The following MYOCD variants were observed in gnomAD, a reference collection of about 807,000 sequenced individuals.
MYOCD encodes myocardin.
A neutral mutation model predicts 96.1 loss-of-function variants in MYOCD; 32 were observed. The observed-to-expected ratio is 0.33, with a 90% CI of 0.25 to 0.45. The LOEUF (loss-of-function observed/expected upper bound fraction) is 0.45, where lower values mean the gene tolerates loss of function less well. Ranked by LOEUF, MYOCD falls within the 20% of genes least tolerant of loss-of-function variation. The probability of loss-of-function intolerance (pLI) is 1.00; values close to 1 mark genes in which losing one functional copy is unlikely to be tolerated. For synonymous variants in MYOCD, 469 were observed against 469.0 expected (o/e 1.00, Z 0.00); for missense variants, 1,133 against 1,200.6 (o/e 0.94, Z 0.83).
At chr17:12,733,038 C>T (rs1007045895) in intron 5 of MYOCD, among the ~76,000 whole-genome samples, 12 of 152,104 alleles carry the variant, frequency 7.9e-5, no homozygotes, top group South Asian at 2.1e-4. Context: ...AGGCTGGGCG[C>T]GGTGGCTCAC....
intron 5 of MYOCD, among the ~76,000 whole-genome samples, chr17:12,730,197 C>T (rs2032127942): frequency 6.6e-6 from 1 of 151,994 alleles, no homozygotes. Flanking sequence ...CCTGCAATCC[C>T]AGCACTTTGG....
chr17:12,725,145 T>C (rs1405803268), intron 5 of MYOCD, among the ~76,000 whole-genome samples: 2 of 152,102 alleles, frequency 1.3e-5, no homozygotes, highest in East Asian at 3.9e-4. Context: ...AACTGGGCAG[T>C]GTCAAAGATC....
intron 2 of MYOCD, among the ~76,000 whole-genome samples, chr17:12,712,693 T>A (rs1044449915): frequency 6.6e-6 from 1 of 152,162 alleles, no homozygotes; most frequent in African/African-American, 2.4e-5. Context: ...GAACACAAAT[T>A]CCCTTGTGAG....
intron 12 of MYOCD, 48 bp from the exon 13 acceptor site, chr17:12,760,602 A>C: frequency 6.7e-7 from 1 of 1,486,716 alleles, no homozygotes; most frequent in South Asian, 1.1e-5. Flanking sequence ...TCCTACGGAG[A>C]TAACCACCTT....
At chr17:12,756,589 A>T in intron 11 of MYOCD, 32 bp downstream of exon 11, 1 of 1,519,222 alleles carries the variant, frequency 6.6e-7, no homozygotes, top group Non-Finnish European at 8.9e-7. Flanking sequence ...TCAACCTGGG[A>T]TTCACTTTGC....
At chr17:12,710,044 G>C (rs1019581015) in intron 2 of MYOCD, among the ~76,000 whole-genome samples, 1 of 152,152 alleles carries the variant, frequency 6.6e-6, no homozygotes, top group Admixed American at 6.5e-5. Flanking sequence ...AACACACACA[G>C]AGAAGTCAGA....
chr17:12,737,359 T>C (rs1384102690), intron 6 of MYOCD, among the ~76,000 whole-genome samples: 1 of 152,200 alleles, frequency 6.6e-6, no homozygotes, highest in East Asian at 1.9e-4. Flanking sequence ...ATCACAAAAG[T>C]TTCCTCATTT....
At chr17:12,756,711 A>T (rs1208734866) in intron 11 of MYOCD, among the ~76,000 whole-genome samples, 154 bp downstream of exon 11, 1 of 151,114 alleles carries the variant, frequency 6.6e-6, no homozygotes, top group Non-Finnish European at 1.5e-5. Context: ...AAAAAAAAAA[A>T]AAAGAATAAA....
chr17:12,748,160 C>CAA (rs58002174), intron 9 of MYOCD, among the ~76,000 whole-genome samples: 9 of 90,576 alleles, frequency 9.9e-5, no homozygotes, highest in Non-Finnish European at 1.3e-4. Context: ...GACTCCGTCT[C>CAA]AAAAAAAAAA....
At chr17:12,757,327 G>C (rs1295601362) in intron 11 of MYOCD, among the ~76,000 whole-genome samples, 1 of 152,112 alleles carries the variant, frequency 6.6e-6, no homozygotes, top group African/African-American at 2.4e-5. Flanking sequence ...AAGGGGCAGA[G>C]ACCCTGAATT....
At chr17:12,738,498 C>T (rs2032408934) in intron 6 of MYOCD, among the ~76,000 whole-genome samples, 1 of 151,996 alleles carries the variant, frequency 6.6e-6, no homozygotes, top group Non-Finnish European at 1.5e-5. Flanking sequence ...CACACAAAAC[C>T]ACATATACAT....
intron 2 of MYOCD, among the ~76,000 whole-genome samples, chr17:12,714,620 G>A (rs2031581247): frequency 6.6e-6 from 1 of 152,096 alleles, no homozygotes; most frequent in African/African-American, 2.4e-5. Flanking sequence ...GAAAATCAAG[G>A]CAAAATGTAG....
chr17:12,682,903 CTT>C (rs1037009067), intron 1 of MYOCD, among the ~76,000 whole-genome samples: 2 of 152,174 alleles, frequency 1.3e-5, no homozygotes, highest in Non-Finnish European at 2.9e-5. Flanking sequence ...TATGGAACCT[CTT>C]TGTTTGCAAA....
At chr17:12,732,535 G>A (rs1448230703) in intron 5 of MYOCD, among the ~76,000 whole-genome samples, 2 of 152,130 alleles carry the variant, frequency 1.3e-5, no homozygotes, top group African/African-American at 2.4e-5. Flanking sequence ...CTCTGATTGT[G>A]TCCCATCCAG....
chr17:12,677,993 A>G (rs1910193996), intron 1 of MYOCD, among the ~76,000 whole-genome samples: 1 of 147,872 alleles, frequency 6.8e-6, no homozygotes, highest in South Asian at 2.1e-4. Context: ...CCCAGGTTCT[A>G]GCGATTCTCC....
chr17:12,666,520 G>A (rs1909384050), intron 1 of MYOCD, among the ~76,000 whole-genome samples: 1 of 152,088 alleles, frequency 6.6e-6, no homozygotes, highest in Admixed American at 6.5e-5. Flanking sequence ...AAATTTTGGA[G>A]GGGTACATTC....
chr17:12,696,176 C>T (rs2030740745), intron 1 of MYOCD, among the ~76,000 whole-genome samples: 1 of 151,962 alleles, frequency 6.6e-6, no homozygotes, highest in Non-Finnish European at 1.5e-5. Flanking sequence ...GACGGGGTTT[C>T]ACCATGTTGA....
At chr17:12,698,726 C>G (rs1330544911) in intron 1 of MYOCD, among the ~76,000 whole-genome samples, 1 of 140,770 alleles carries the variant, frequency 7.1e-6, no homozygotes, top group Admixed American at 7.9e-5. Flanking sequence ...CCTACCAGAC[C>G]CTCTTTTTTT....
chr17:12,687,618 T>C (rs144703431), intron 1 of MYOCD, among the ~76,000 whole-genome samples: 2,298 of 152,366 alleles, frequency 0.015, 17 homozygotes, highest in South Asian at 0.025. Context: ...TTTATCATTT[T>C]GTTAAAAGTT....
Sources: allele counts gnomAD v4.1 joint callset (sites outside exome capture counted in the v4.1 genomes callset), GRCh38; gene constraint gnomAD v4.1.1; transcripts MANE v1.5; gene names NCBI Gene and HGNC (gene_info 2026-07-23, HGNC 2026-07-21).